The following JARID2 variants were observed in gnomAD, a reference collection of about 807,000 sequenced individuals.
JARID2 encodes jumonji and AT-rich interaction domain containing 2.
JARID2 carries 21 observed loss-of-function variants against 125.6 expected under a neutral mutation model. That is an observed-to-expected ratio of 0.17 (90% confidence interval 0.12 to 0.24). The LOEUF is 0.24. JARID2 is among the 10% of genes least tolerant of loss of function. JARID2 has a pLI of 1.00. For missense variants in JARID2, 1,303 were observed against 1,639.6 expected (o/e 0.79, Z 3.55); for synonymous variants, 736 against 661.6 (o/e 1.11, Z -1.73).
At chr6:15,367,103 C>T (rs1260991423) in intron 1 of JARID2, among the ~76,000 whole-genome samples, 1 of 152,068 alleles carries the variant, frequency 6.6e-6, no homozygotes, top group Non-Finnish European at 1.5e-5. Context: ...ACTACCAGTG[C>T]CCTTGATTTG....
chr6:15,514,821 TCAA>T lies in JARID2; in HGVS notation c.3450+1401_3450+1403del, dbSNP rs1310854331. Among the ~76,000 whole-genome samples, 9 of 152,294 alleles carry T rather than the reference TCAA, an allele frequency of 5.9e-5. No individual in the cohort carries two copies. In the South Asian group the frequency reaches 6.2e-4, roughly 11 times the overall value. ...CAGTCACAGCTGAGATCCTGGAGGT[TCAA>T]CGTTTGCATTTGATGGGGGACAAAT... On this transcript the variant is annotated intron_variant, in intron 16 of 17. Coordinates refer to ENST00000341776, the MANE Select transcript of JARID2 (RefSeq NM_004973.4).
chr6:15,282,557 T>G (rs1252297884), intron 1 of JARID2, among the ~76,000 whole-genome samples: 5 of 151,504 alleles, frequency 3.3e-5, no homozygotes, highest in Non-Finnish European at 7.4e-5. Context: ...TCTGTCTTTG[T>G]CTTTCTCTCT....
chr6:15,445,767 G>A lies in JARID2; in HGVS notation c.324-6239G>A, dbSNP rs187794453. On this transcript the variant is annotated intron_variant, in intron 3 of 17. Coordinates refer to ENST00000341776, the MANE Select transcript of JARID2 (RefSeq NM_004973.4). The stretch of plus-strand genomic sequence containing the variant: ...TTGTGCCACAGGGTGACTGTCAGCC[G>A]GAGGCAGACCTTATTTGGCTTCTGC... Among the ~76,000 whole-genome samples, 152 of 152,312 alleles carry A rather than the reference G, an allele frequency of 1.0e-3. 2 individuals are homozygous for A. The highest frequency in any genetic ancestry group is 1.6e-3 in the Admixed American group (24 of 15,308).
At chr6:15,353,846 T>A (rs1342393140) in intron 1 of JARID2, among the ~76,000 whole-genome samples, 1 of 152,212 alleles carries the variant, frequency 6.6e-6, no homozygotes, top group Non-Finnish European at 1.5e-5. Context: ...TTTGACCCAC[T>A]CAGGTGTTCA....
intron 1 of JARID2, among the ~76,000 whole-genome samples, chr6:15,270,516 A>G (rs890472108): frequency 6.6e-6 from 1 of 152,116 alleles, no homozygotes; most frequent in African/African-American, 2.4e-5. Flanking sequence ...ACAGGCATAG[A>G]ATGGGTACTT....
At chr6:15,492,345 G>A (rs1770191894) in intron 6 of JARID2, among the ~76,000 whole-genome samples, 1 of 152,198 alleles carries the variant, frequency 6.6e-6, no homozygotes, top group Admixed American at 6.5e-5. Context: ...ATGACTTCCT[G>A]TGTGTGCTCT....
At chr6:15,488,116 T>A (rs1188025568) in intron 6 of JARID2, among the ~76,000 whole-genome samples, 1 of 152,186 alleles carries the variant, frequency 6.6e-6, no homozygotes, top group African/African-American at 2.4e-5. Context: ...GCTGCCACCC[T>A]GACCACCTCC....
chr6:15,502,137 CCT>C (rs1304489149), intron 8 of JARID2, among the ~76,000 whole-genome samples: 3 of 152,234 alleles, frequency 2.0e-5, no homozygotes, highest in Non-Finnish European at 2.9e-5. Context: ...GCAGCGTTTC[CCT>C]GTCTCCGCCA....
At position 15,496,090 on chromosome 6, in the gene JARID2, A is replaced by G. The variant is rs773148441; in HGVS notation, c.907-42A>G. ...GCCGGTCATTTTAGTGGCAGGTACT[A>G]ATTCTGCGTTTTTTTCCACCTCTGC... On this transcript the variant is annotated intron_variant, in intron 6 of 17. Coordinates refer to ENST00000341776, the MANE Select transcript of JARID2 (RefSeq NM_004973.4). 5.2e-6 allele frequency: 8 copies of G among 1,534,362 alleles called. No homozygotes were observed. In the South Asian group the frequency reaches 9.9e-5, roughly 19 times the overall value.
intron 17 of JARID2, among the ~76,000 whole-genome samples, chr6:15,517,531 G>A (rs894618154): frequency 6.6e-6 from 1 of 152,138 alleles, no homozygotes; most frequent in African/African-American, 2.4e-5. Flanking sequence ...CCGCCCCCCC[G>A]GCTTTCCCAA....
At chr6:15,424,364 T>C (rs1209953771) in intron 3 of JARID2, among the ~76,000 whole-genome samples, 1 of 152,198 alleles carries the variant, frequency 6.6e-6, no homozygotes, top group African/African-American at 2.4e-5. Context: ...CCTCCAAATG[T>C]TGTGGCTTAG....
rs1759755958 is a variant in JARID2 at position 15,258,603 on chromosome 6, GA to G, written c.45+12023del. 2.0e-5 allele frequency among the ~76,000 whole-genome samples: 3 copies of G among 152,172 alleles called. No homozygotes were observed. In the South Asian group the frequency reaches 6.2e-4, roughly 31 times the overall value. On this transcript the variant is annotated intron_variant, in intron 1 of 17. Transcript: ENST00000341776. Reference sequence around the variant, plus strand: ...TTGAGGCCAGCCTGACTAACATGGTGAAAACCTGTCTCTACTGAAAATACAA... The same window carrying G: ...TTGAGGCCAGCCTGACTAACATGGTGAAACCTGTCTCTACTGAAAATACAA...
intron 1 of JARID2, among the ~76,000 whole-genome samples, chr6:15,316,125 G>A (rs571926913): frequency 2.6e-5 from 4 of 152,036 alleles, no homozygotes; most frequent in Non-Finnish European, 5.9e-5. Flanking sequence ...CAGATTCTAT[G>A]GGTTTTTTTT....
intron 1 of JARID2, among the ~76,000 whole-genome samples, chr6:15,346,543 T>C (rs1018102121): frequency 1.3e-5 from 2 of 152,124 alleles, no homozygotes; most frequent in Non-Finnish European, 2.9e-5. Context: ...TTTTCTTTCT[T>C]CCTTTCTGCC....
At position 15,487,333 on chromosome 6, in the gene JARID2, C is replaced by A. The variant is rs747681691; in HGVS notation, c.697C>A (p.Arg233=). The part of the protein sequence containing the change: ...HVFNGSSRST[R]EKEPVQKHKS... Reference sequence around the variant, plus strand: ...TTTCAATGGTTCCAGCAGGTCAACACGGGAGAAGGAACCTGTTCAAAAACA... The same window carrying A: ...TTTCAATGGTTCCAGCAGGTCAACAAGGGAGAAGGAACCTGTTCAAAAACA... The change falls in exon 6 of 18, where the codon CGG becomes AGG. Residue 233 remains arginine, a synonymous_variant. Coordinates refer to ENST00000341776, the MANE Select transcript of JARID2 (RefSeq NM_004973.4). 3 of 1,614,092 alleles carry A rather than the reference C, an allele frequency of 1.9e-6. No homozygotes were observed. Among genetic ancestry groups the A allele is most frequent in the Non-Finnish European group, 2.5e-6 (3 of 1,179,988 alleles).
chr6:15,275,816 T>C (rs990806624), intron 1 of JARID2, among the ~76,000 whole-genome samples: 5 of 152,100 alleles, frequency 3.3e-5, no homozygotes, highest in Non-Finnish European at 7.3e-5. Context: ...TAATTGCTTG[T>C]GTCACTGCTA....
chr6:15,425,262 C>T (rs1040743458), intron 3 of JARID2, among the ~76,000 whole-genome samples: 2 of 152,132 alleles, frequency 1.3e-5, no homozygotes, highest in African/African-American at 4.8e-5. Context: ...GGATTGTGAC[C>T]TCCAAGGAGC....
chr6:15,431,982 C>T (rs1766984231), intron 3 of JARID2, among the ~76,000 whole-genome samples: 1 of 152,122 alleles, frequency 6.6e-6, no homozygotes. Flanking sequence ...AGTAGTGCTC[C>T]TGCACTTTTG....
chr6:15,400,321 T>G (rs182507034), intron 2 of JARID2, among the ~76,000 whole-genome samples: 1 of 152,024 alleles, frequency 6.6e-6, no homozygotes, highest in Non-Finnish European at 1.5e-5. Flanking sequence ...GAGGAGCATG[T>G]GGAAAGAGAT....
Sources: allele counts gnomAD v4.1 joint callset (sites outside exome capture counted in the v4.1 genomes callset), GRCh38; gene constraint gnomAD v4.1.1; transcripts MANE v1.5; gene names NCBI Gene and HGNC (gene_info 2026-07-23, HGNC 2026-07-21).